KCNH1: variants seen among roughly 807,000 people sequenced by gnomAD.
The protein encoded by KCNH1 is voltage-gated delayed rectifier potassium channel KCNH1.
In KCNH1, 27 loss-of-function variants were observed where a neutral mutation model predicts 69.2. That is an observed-to-expected ratio of 0.39 (90% confidence interval 0.29 to 0.54). KCNH1 has a LOEUF of 0.54. Ranked by LOEUF, KCNH1 falls within the 20% of genes least tolerant of loss-of-function variation. The probability of loss-of-function intolerance (pLI) is 0.68; values close to 1 mark genes in which losing one functional copy is unlikely to be tolerated. For synonymous variants in KCNH1, 456 were observed against 487.7 expected (o/e 0.93, Z 0.86); for missense variants, 798 against 1,261.6 (o/e 0.63, Z 5.57).
intron 10 of KCNH1, among the ~76,000 whole-genome samples, chr1:210,717,333 A>T (rs1407756257): frequency 2.0e-5 from 3 of 152,238 alleles, no homozygotes; most frequent in African/African-American, 7.2e-5. Flanking sequence ...ACCTGGATGG[A>T]TCAGGATATG....
intron 5 of KCNH1, among the ~76,000 whole-genome samples, chr1:211,032,362 A>G (rs577894105): frequency 7.2e-5 from 11 of 152,346 alleles, no homozygotes; most frequent in African/African-American, 2.6e-4. Context: ...ATTCAATGCC[A>G]TCCCCATCAA....
At chr1:210,843,559 C>A (rs1685471330) in intron 7 of KCNH1, among the ~76,000 whole-genome samples, 1 of 152,132 alleles carries the variant, frequency 6.6e-6, no homozygotes, top group Non-Finnish European at 1.5e-5. Flanking sequence ...CAACACCTGA[C>A]ATACTAGGGC....
chr1:211,028,578 A>G (rs1363067719), intron 5 of KCNH1, among the ~76,000 whole-genome samples: 1 of 152,146 alleles, frequency 6.6e-6, no homozygotes, highest in East Asian at 1.9e-4. Flanking sequence ...GAGAAGACAG[A>G]AATTACCAGT....
At chr1:210,785,462 T>G (rs1684080294) in intron 9 of KCNH1, among the ~76,000 whole-genome samples, 1 of 151,798 alleles carries the variant, frequency 6.6e-6, no homozygotes, top group African/African-American at 2.4e-5. Flanking sequence ...TGGTGCAATC[T>G]TGGCTCACCG....
intron 10 of KCNH1, among the ~76,000 whole-genome samples, chr1:210,763,709 A>G (rs993184102): frequency 9.2e-5 from 14 of 152,194 alleles, no homozygotes; most frequent in Non-Finnish European, 1.6e-4. Flanking sequence ...ATTTAAATAA[A>G]TCATAGACAA....
At chr1:210,999,383 C>T (rs982603078) in intron 6 of KCNH1, among the ~76,000 whole-genome samples, 1 of 152,164 alleles carries the variant, frequency 6.6e-6, no homozygotes, top group African/African-American at 2.4e-5. Context: ...ATACTATAAA[C>T]ACCTCTACAC....
intron 6 of KCNH1, among the ~76,000 whole-genome samples, chr1:211,009,228 T>C (rs1181302800): frequency 6.6e-6 from 1 of 152,172 alleles, no homozygotes; most frequent in African/African-American, 2.4e-5. Context: ...TAGATTTGGC[T>C]ACATGGACAT....
chr1:210,974,209 G>C (rs1215199634), intron 6 of KCNH1, among the ~76,000 whole-genome samples: 2 of 152,046 alleles, frequency 1.3e-5, no homozygotes, highest in East Asian at 1.9e-4. Flanking sequence ...TCTATTTCTA[G>C]TGAGTTGAGC....
intron 6 of KCNH1, among the ~76,000 whole-genome samples, chr1:210,990,248 T>C (rs1688913681): frequency 6.6e-6 from 1 of 152,164 alleles, no homozygotes. Flanking sequence ...CAATTGTAAA[T>C]ATGAGAAGAG....
At chr1:211,019,397 G>T (rs1406167503) in intron 5 of KCNH1, 141 bp from the exon 6 acceptor site, 8 of 604,194 alleles carry the variant, frequency 1.3e-5, no homozygotes, top group Non-Finnish European at 2.3e-5. Context: ...AAAGAAGTAT[G>T]GGAGAATGAA....
chr1:210,774,635 A>G (rs1024390547), intron 10 of KCNH1, among the ~76,000 whole-genome samples: 1 of 152,196 alleles, frequency 6.6e-6, no homozygotes, highest in African/African-American at 2.4e-5. Flanking sequence ...TGTTTTAACC[A>G]AAAGAGTCAG....
chr1:211,049,852 G>A (rs1371116765), intron 5 of KCNH1, among the ~76,000 whole-genome samples: 1 of 152,086 alleles, frequency 6.6e-6, no homozygotes, highest in African/African-American at 2.4e-5. Flanking sequence ...AACAAGGGTC[G>A]CCAGTACCTG....
intron 10 of KCNH1, among the ~76,000 whole-genome samples, chr1:210,767,565 G>A (rs1250713470): frequency 2.0e-5 from 3 of 152,164 alleles, no homozygotes; most frequent in African/African-American, 7.2e-5. Flanking sequence ...GATTTTTACA[G>A]GTATTTCATA....
intron 6 of KCNH1, among the ~76,000 whole-genome samples, chr1:210,955,239 C>T (rs1688146922): frequency 6.6e-6 from 1 of 152,132 alleles, no homozygotes. Flanking sequence ...TCTGAGGCCT[C>T]TGTTCTGTTC....
intron 7 of KCNH1, among the ~76,000 whole-genome samples, chr1:210,823,887 C>T (rs1487360014): frequency 6.6e-6 from 1 of 152,152 alleles, no homozygotes. Flanking sequence ...TCCCCTGTCT[C>T]CTGCCATTCA....
intron 7 of KCNH1, among the ~76,000 whole-genome samples, chr1:210,853,004 A>G (rs1685742021): frequency 6.6e-6 from 1 of 152,246 alleles, no homozygotes; most frequent in African/African-American, 2.4e-5. Flanking sequence ...ATCATGTGCT[A>G]GCTTTTCCAG....
chr1:210,783,940 A>G (rs1684042235), intron 9 of KCNH1, among the ~76,000 whole-genome samples: 1 of 152,218 alleles, frequency 6.6e-6, no homozygotes, highest in Non-Finnish European at 1.5e-5. Flanking sequence ...GCTCTAAGAA[A>G]AAGCATGAGC....
rs1687968627 is a variant in KCNH1 at position 210,946,914 on chromosome 1, C to G, written c.1033-26845G>C. 2.0e-5 allele frequency among the ~76,000 whole-genome samples: 3 copies of G among 152,316 alleles called. 1 individual carries two copies. The South Asian group carries it at 6.2e-4, about 32-fold the overall frequency. ...TCATTTTAGAACTCTTCCTTGACATCTCAGCCAGAGCGGCCCCACTCCCAA... is the reference window on the plus strand; with the variant it reads ...TCATTTTAGAACTCTTCCTTGACATGTCAGCCAGAGCGGCCCCACTCCCAA... On this transcript the variant is annotated intron_variant, in intron 6 of 10. Transcript: ENST00000271751.
intron 7 of KCNH1, among the ~76,000 whole-genome samples, chr1:210,819,462 A>G (rs1684882349): frequency 6.6e-6 from 1 of 152,110 alleles, no homozygotes; most frequent in African/African-American, 2.4e-5. Flanking sequence ...AACAGCCAAG[A>G]TTTGAGTGTC....
Sources: gnomAD v4.1 joint callset for allele counts (sites outside exome capture counted in the v4.1 genomes callset) on GRCh38, gnomAD v4.1.1 for gene constraint, MANE v1.5 for transcripts, NCBI Gene and HGNC (gene_info 2026-07-23, HGNC 2026-07-21) for gene names.